GXYLT2: variants seen among roughly 807,000 people sequenced by gnomAD.
The protein encoded by GXYLT2 is glucoside xylosyltransferase 2, also known as glycosyltransferase 8 domain containing 4.
A neutral mutation model predicts 45.8 loss-of-function variants in GXYLT2; 53 were observed. The observed-to-expected ratio is 1.16, with a 90% CI of 0.93 to 1.46. GXYLT2 has a LOEUF of 1.46. GXYLT2 is among the 40% of genes most tolerant of loss of function. The pLI is 0.00. For synonymous variants in GXYLT2, 219 were observed against 214.2 expected, an observed-to-expected ratio of 1.02 and a Z score of -0.19; for missense variants, 551 against 544.4, an observed-to-expected ratio of 1.01 and a Z score of -0.12.
intron 5 of GXYLT2, among the ~76,000 whole-genome samples, chr3:72,966,014 C>T (rs538221593): frequency 6.6e-6 from 1 of 152,130 alleles, no homozygotes; most frequent in South Asian, 2.1e-4. Context: ...TGGAGTCTTA[C>T]TCCGTCACCC....
At chr3:72,928,798 C>G (rs1230410176) in intron 3 of GXYLT2, among the ~76,000 whole-genome samples, 1 of 152,108 alleles carries the variant, frequency 6.6e-6, no homozygotes, top group Admixed American at 6.6e-5. Flanking sequence ...AAAAAAACCC[C>G]ATAAAAAAAT....
chr3:72,899,162 GT>G (rs542762709), intron 1 of GXYLT2, among the ~76,000 whole-genome samples: 36 of 152,156 alleles, frequency 2.4e-4, no homozygotes, highest in Admixed American at 8.5e-4. Flanking sequence ...TAAAGCTTAT[GT>G]ATGTGCACGA....
chr3:72,908,081 G>C, intron 1 of GXYLT2: 1 of 298,460 alleles, frequency 3.4e-6, no homozygotes. Context: ...ACATGGGCCA[G>C]TAGGCAGCCA....
rs771569626 is a variant in GXYLT2 at position 72,961,659 on chromosome 3, CAAA to C, written c.976+4321_976+4323del. Reference sequence around the variant, plus strand: ...TCTGTTTCCTAATTTGAATTCTTAGCAAAAAAAAAAAAAAAAGAGAGAGAGAGA... The same window carrying C: ...TCTGTTTCCTAATTTGAATTCTTAGCAAAAAAAAAAAAAGAGAGAGAGAGA... On this transcript the variant is annotated intron_variant, in intron 5 of 6. Transcript: ENST00000389617. Among the ~76,000 whole-genome samples the C allele has an allele frequency of 9.5e-5, 9 of 94,796 alleles. 1 individual carries two copies. In the Admixed American group the frequency reaches 1.1e-3, roughly 12 times the overall value. The allele number at this position is 94,796 out of a possible 152,430, so 62.2% of individuals were successfully genotyped here. A position where few individuals can be genotyped will look rare whatever the true frequency, so the allele number is the denominator to read the frequency against.
At chr3:72,929,057 AC>A in intron 3 of GXYLT2, 7 of 1,581,800 alleles carry the variant, frequency 4.4e-6, no homozygotes, top group Non-Finnish European at 6.0e-6. Context: ...GACCGCGTCC[AC>A]CTCGCAGGTG....
At chr3:72,955,562 C>T (rs1320641685) in intron 4 of GXYLT2, among the ~76,000 whole-genome samples, 1 of 152,180 alleles carries the variant, frequency 6.6e-6, no homozygotes, top group Non-Finnish European at 1.5e-5. Context: ...TCAGCAAAGT[C>T]GCCATTCAGG....
chr3:72,964,052 C>T (rs1294375985), intron 5 of GXYLT2, among the ~76,000 whole-genome samples: 1 of 151,884 alleles, frequency 6.6e-6, no homozygotes, highest in Non-Finnish European at 1.5e-5. Flanking sequence ...TAAAGCAATC[C>T]TCCCACCTTG....
At chr3:72,898,092 T>G (rs1156955117) in intron 1 of GXYLT2, among the ~76,000 whole-genome samples, 1 of 152,238 alleles carries the variant, frequency 6.6e-6, no homozygotes, top group Non-Finnish European at 1.5e-5. Context: ...GTGCCCCTCA[T>G]TTTTGCTAGT....
intron 2 of GXYLT2, among the ~76,000 whole-genome samples, chr3:72,916,776 G>A (rs974986732): frequency 1.3e-5 from 2 of 151,246 alleles, no homozygotes; most frequent in Non-Finnish European, 2.9e-5. Flanking sequence ...CCTGACCTCG[G>A]CCTCCCAAAT....
At chr3:72,950,456 A>G (rs1710500246) in intron 3 of GXYLT2, among the ~76,000 whole-genome samples, 1 of 152,042 alleles carries the variant, frequency 6.6e-6, no homozygotes, top group Non-Finnish European at 1.5e-5. Flanking sequence ...GCGAGACTTC[A>G]TCTCAAAAAA....
In GXYLT2 at chr3:72,966,488, A is replaced by G. The variant is rs191710961; in HGVS notation, c.977-1059A>G. ...TTTTTTTTTTTTTTTTTGATACAGG[A>G]TCTCACTCCGTCACAGGCTAGAGTG... On this transcript the variant is annotated intron_variant, in intron 5 of 6. Transcript: ENST00000389617. Among the ~76,000 whole-genome samples the G allele has an allele frequency of 5.5e-5, 6 of 109,278 alleles. No individual in the cohort carries two copies. In the East Asian group the frequency reaches 1.6e-3, roughly 30 times the overall value. 71.7% of individuals were successfully genotyped at this position (109,278 alleles called of 152,430 possible).
intron 3 of GXYLT2, among the ~76,000 whole-genome samples, chr3:72,938,139 C>A (rs1419241610): frequency 6.6e-6 from 1 of 152,150 alleles, no homozygotes; most frequent in Admixed American, 6.5e-5. Context: ...GGTCTTTGAT[C>A]TTCTGCACCT....
intron 3 of GXYLT2, among the ~76,000 whole-genome samples, chr3:72,926,411 G>A (rs1261627905): frequency 2.0e-5 from 3 of 152,214 alleles, no homozygotes; most frequent in African/African-American, 7.2e-5. Flanking sequence ...CTAAACTGCA[G>A]ATGGCTTGGT....
At chr3:72,906,300 G>C (rs368724059) in intron 1 of GXYLT2, among the ~76,000 whole-genome samples, 1 of 151,982 alleles carries the variant, frequency 6.6e-6, no homozygotes, top group African/African-American at 2.4e-5. Context: ...TCCCCTCTGC[G>C]TGGCATGCTC....
intron 1 of GXYLT2, among the ~76,000 whole-genome samples, chr3:72,904,631 C>CT (rs199847415): frequency 2.4e-4 from 36 of 147,576 alleles, no homozygotes; most frequent in Middle Eastern, 3.5e-3. Context: ...ACAGTGCATG[C>CT]TTTTTTTTTA....
intron 2 of GXYLT2, among the ~76,000 whole-genome samples, chr3:72,911,531 G>A (rs1280514377): frequency 1.3e-5 from 2 of 152,256 alleles, no homozygotes; most frequent in East Asian, 3.9e-4. Flanking sequence ...TCGGATCAGT[G>A]GGTCTGGGGG....
intron 1 of GXYLT2, among the ~76,000 whole-genome samples, chr3:72,899,795 C>G (rs1709367114): frequency 6.6e-6 from 1 of 152,210 alleles, no homozygotes; most frequent in African/African-American, 2.4e-5. Flanking sequence ...TTGCAAAATA[C>G]TCCACTAGGG....
chr3:72,949,067 G>A (rs1476153210), intron 3 of GXYLT2, among the ~76,000 whole-genome samples: 1 of 152,120 alleles, frequency 6.6e-6, no homozygotes, highest in Non-Finnish European at 1.5e-5. Flanking sequence ...GGCAGTATGG[G>A]TAGGCGAGGA....
intron 3 of GXYLT2, among the ~76,000 whole-genome samples, chr3:72,938,746 G>A (rs141759068): frequency 3.3e-5 from 5 of 152,176 alleles, no homozygotes; most frequent in Non-Finnish European, 4.4e-5. Context: ...TTTCAGTTAC[G>A]CAAGGCCTGT....
Sources: gnomAD v4.1 joint callset for allele counts (sites outside exome capture counted in the v4.1 genomes callset) on GRCh38, gnomAD v4.1.1 for gene constraint, MANE v1.5 for transcripts, NCBI Gene and HGNC (gene_info 2026-07-23, HGNC 2026-07-21) for gene names.